Variants in METAP2 observed in about 807,000 individuals in gnomAD.
METAP2 encodes methionyl aminopeptidase 2.
A neutral mutation model predicts 59.4 loss-of-function variants in METAP2; 25 were observed. The observed-to-expected ratio is 0.42, with a 90% CI of 0.31 to 0.59. The LOEUF is 0.59. Among genes scored for constraint, METAP2 ranks in the 20% least tolerant of loss-of-function variants. The pLI, the probability that METAP2 is intolerant of heterozygous loss-of-function variation, is 0.16. For missense variants in METAP2, 366 were observed against 581.2 expected, an observed-to-expected ratio of 0.63 and a Z score of 3.81; for synonymous variants, 214 against 194.1, an observed-to-expected ratio of 1.10 and a Z score of -0.85.
intron 8 of METAP2, among the ~76,000 whole-genome samples, chr12:95,507,092 A>G (rs1482464224): frequency 6.6e-6 from 1 of 152,112 alleles, no homozygotes; most frequent in East Asian, 1.9e-4. Context: ...TGTTACTCAC[A>G]CTTAGGTAGG....
At chr12:95,512,707 T>C in intron 9 of METAP2, 94 bp from the exon 10 acceptor site, 1 of 708,666 alleles carries the variant, frequency 1.4e-6, no homozygotes, top group Non-Finnish European at 2.4e-6. Context: ...AGAGACTCTG[T>C]CTCAAAAAGA....
chr12:95,484,829 G>C (rs1334456680), intron 3 of METAP2: 1 of 454,362 alleles, frequency 2.2e-6, no homozygotes, highest in South Asian at 1.6e-5. Flanking sequence ...GGCTACTAAA[G>C]GGCTTAGAGC....
At chr12:95,507,903 C>G (rs969502960) in intron 8 of METAP2, among the ~76,000 whole-genome samples, 7 of 151,384 alleles carry the variant, frequency 4.6e-5, no homozygotes, top group East Asian at 1.9e-4. Flanking sequence ...CTCAGCCTCC[C>G]GAGTAGCTGG....
At chr12:95,501,855 T>C (rs2076318579) in intron 7 of METAP2, among the ~76,000 whole-genome samples, 1 of 151,850 alleles carries the variant, frequency 6.6e-6, no homozygotes, top group Non-Finnish European at 1.5e-5. Context: ...TTAAAAAAAT[T>C]CATATGGCTT....
chr12:95,497,794 A>G (rs1274991640), intron 7 of METAP2, among the ~76,000 whole-genome samples: 1 of 151,990 alleles, frequency 6.6e-6, no homozygotes, highest in Admixed American at 6.6e-5. Context: ...AGAAATGTCT[A>G]TTCAAGTTTT....
At chr12:95,487,591 ATT>A (rs5800209) in intron 4 of METAP2, among the ~76,000 whole-genome samples, 5 of 141,372 alleles carry the variant, frequency 3.5e-5, no homozygotes, top group African/African-American at 2.6e-5. Flanking sequence ...TAATCTCTTA[ATT>A]TTTTTTTTTT....
intron 4 of METAP2, among the ~76,000 whole-genome samples, chr12:95,489,557 G>T (rs1299309133): frequency 6.6e-6 from 1 of 152,006 alleles, no homozygotes; most frequent in Non-Finnish European, 1.5e-5. Flanking sequence ...TTACAGATTT[G>T]GTATAGTTTG....
intron 8 of METAP2, among the ~76,000 whole-genome samples, chr12:95,507,839 C>T (rs1408667925): frequency 2.0e-5 from 3 of 150,276 alleles, no homozygotes; most frequent in African/African-American, 7.4e-5. Flanking sequence ...TACAATGGTG[C>T]GCGATCTCGG....
intron 7 of METAP2, among the ~76,000 whole-genome samples, chr12:95,503,043 G>A (rs1258769744): frequency 1.3e-5 from 2 of 148,812 alleles, no homozygotes; most frequent in East Asian, 3.9e-4. Flanking sequence ...TGGTAGATCT[G>A]CCATCAGGTG....
rs763043106 is a variant in METAP2, at chr12:95,474,178, A to G, written c.-2A>G. On this transcript the variant is annotated 5_prime_UTR_variant, in exon 1 of 11. Coordinates refer to ENST00000323666, the MANE Select transcript of METAP2 (RefSeq NM_006838.4). ...TCATTCCCTCGCGCTCTCTCGGGCA[A>G]CATGGCGGGTGTGGAGGAGGTAGCG... 6.8e-6 allele frequency: 11 copies of G among 1,613,352 alleles called. No individual in the cohort carries two copies. Among genetic ancestry groups the G allele is most frequent in the Non-Finnish European group, 9.3e-6 (11 of 1,179,576 alleles).
intron 4 of METAP2, among the ~76,000 whole-genome samples, chr12:95,486,865 A>AT (rs1295863394): frequency 1.3e-5 from 2 of 152,212 alleles, no homozygotes; most frequent in Non-Finnish European, 2.9e-5. Context: ...TTGGAAACAA[A>AT]TTCACCTGAT....
At chr12:95,505,104 TTCTG>T (rs2140161381) in intron 8 of METAP2, among the ~76,000 whole-genome samples, 1 of 152,354 alleles carries the variant, frequency 6.6e-6, no homozygotes, top group African/African-American at 2.4e-5. Context: ...TTTAACAGAA[TTCTG>T]TCTCTCTTTG....
intron 7 of METAP2, among the ~76,000 whole-genome samples, chr12:95,499,584 C>CA (rs1314952759): frequency 6.7e-6 from 1 of 149,584 alleles, no homozygotes; most frequent in Non-Finnish European, 1.5e-5. Context: ...TTTTTTTCTG[C>CA]AAAAAACACC....
chr12:95,504,594 T>C (rs1053465106), intron 8 of METAP2, among the ~76,000 whole-genome samples: 1 of 152,238 alleles, frequency 6.6e-6, no homozygotes, highest in Non-Finnish European at 1.5e-5. Context: ...CCTCCCAGGC[T>C]TAGGCTTAAG....
intron 2 of METAP2, among the ~76,000 whole-genome samples, chr12:95,480,432 C>T (rs1417470590): frequency 1.3e-5 from 2 of 152,122 alleles, no homozygotes; most frequent in Non-Finnish European, 2.9e-5. Context: ...GTTTAAACTC[C>T]TAAGAAGCTG....
chr12:95,485,066 A>G (rs2076185902), intron 3 of METAP2, among the ~76,000 whole-genome samples: 2 of 152,240 alleles, frequency 1.3e-5, no homozygotes, highest in Non-Finnish European at 2.9e-5. Context: ...GTTAATGATA[A>G]CCATAGTACA....
At chr12:95,501,530 C>A (rs186373349) in intron 7 of METAP2, among the ~76,000 whole-genome samples, 1 of 152,056 alleles carries the variant, frequency 6.6e-6, no homozygotes, top group South Asian at 2.1e-4. Context: ...TTCTGGCCAA[C>A]GTGGTGAAAC....
intron 1 of METAP2, among the ~76,000 whole-genome samples, chr12:95,474,942 C>T (rs1050656743): frequency 6.6e-6 from 1 of 152,132 alleles, no homozygotes; most frequent in Non-Finnish European, 1.5e-5. Flanking sequence ...AATCCCATAG[C>T]ATCGCCAAGC....
intron 8 of METAP2, among the ~76,000 whole-genome samples, chr12:95,508,386 A>G (rs1463142457): frequency 1.3e-5 from 2 of 152,208 alleles, no homozygotes; most frequent in African/African-American, 4.8e-5. Context: ...CAAGATTCTT[A>G]ACCCAAAGAA....
Sources: gnomAD v4.1 joint callset for allele counts (sites outside exome capture counted in the v4.1 genomes callset) on GRCh38, gnomAD v4.1.1 for gene constraint, MANE v1.5 for transcripts, NCBI Gene and HGNC (gene_info 2026-07-23, HGNC 2026-07-21) for gene names.